Variants in ARHGAP6 observed in about 807,000 individuals in gnomAD.
ARHGAP6 encodes Rho GTPase activating protein 6, also known as rho GTPase-activating protein 6.
In ARHGAP6, 16 loss-of-function variants were observed where a neutral mutation model predicts 55.7. The ratio of observed to expected loss-of-function variants is 0.29; its 90% confidence interval spans 0.19 to 0.44. The LOEUF (loss-of-function observed/expected upper bound fraction) is 0.44. Ranked by LOEUF, ARHGAP6 falls within the 20% of genes least tolerant of loss-of-function variation. ARHGAP6 has a pLI of 1.00. For synonymous variants in ARHGAP6, 382 were observed against 360.9 expected (o/e 1.06, Z -0.66); for missense variants, 698 against 808.9 (o/e 0.86, Z 1.66).
At chrX:11,424,040 G>A (rs2049853702) in intron 1 of ARHGAP6, among the ~76,000 whole-genome samples, 2 of 112,408 alleles carry the variant, frequency 1.8e-5, no homozygotes, top group African/African-American at 6.5e-5. Context: ...AAGCTATTTG[G>A]CCATGCAATT....
intron 1 of ARHGAP6, among the ~76,000 whole-genome samples, chrX:11,537,183 A>C (rs2051112140): frequency 1.8e-5 from 2 of 112,380 alleles, no homozygotes. Context: ...AATGAGAGGG[A>C]ATCAGAAACG....
intron 1 of ARHGAP6, among the ~76,000 whole-genome samples, chrX:11,540,353 C>T (rs1048409952): frequency 9.0e-6 from 1 of 110,599 alleles, no homozygotes; most frequent in Non-Finnish European, 1.9e-5. Context: ...AATACTTCAG[C>T]TTTACAGAGC....
chrX:11,517,105 G>A (rs2050849723), intron 1 of ARHGAP6, among the ~76,000 whole-genome samples: 1 of 112,308 alleles, frequency 8.9e-6, no homozygotes, highest in Non-Finnish European at 1.9e-5. Flanking sequence ...TAGCTCATGA[G>A]TGTCTAGGTA....
At chrX:11,322,321 G>C (rs1296819962) in intron 1 of ARHGAP6, among the ~76,000 whole-genome samples, 1 of 110,159 alleles carries the variant, frequency 9.1e-6, no homozygotes. Context: ...TGTGTCCTGG[G>C]GGGAGGTACA....
chrX:11,424,367 A>G lies in ARHGAP6; in HGVS notation c.589-169660T>C, dbSNP rs776361908. On this transcript the variant is annotated intron_variant, in intron 1 of 12. Transcript: ENST00000337414. ...TGTGTTCAAATATTTTGCAATCTGT[A>G]TAAGACAGTAACAAGGAGGGAAATA... 3.5e-5 allele frequency among the ~76,000 whole-genome samples: 4 copies of G among 112,897 alleles called. No individual in the cohort carries two copies. In the East Asian group the frequency reaches 1.1e-3, roughly 31 times the overall value.
intron 2 of ARHGAP6, among the ~76,000 whole-genome samples, chrX:11,227,986 C>T (rs182632727): frequency 5.3e-4 from 58 of 110,363 alleles, no homozygotes; most frequent in Admixed American, 2.3e-3. Flanking sequence ...TCATTTTTTA[C>T]GTCTTCCTCA....
At chrX:11,389,169 TTAAAG>T (rs1338658976) in intron 1 of ARHGAP6, among the ~76,000 whole-genome samples, 1 of 111,616 alleles carries the variant, frequency 9.0e-6, no homozygotes, top group Non-Finnish European at 1.9e-5. Context: ...GACAAATCCC[TTAAAG>T]TAAAGAATTA....
Position 11,467,988 on chromosome X carries a change from G to GAATA in ARHGAP6, c.588+196252_588+196253insTATT, listed in dbSNP as rs1226738659. Among the ~76,000 whole-genome samples, 410 of 82,791 alleles carry GAATA rather than the reference G, an allele frequency of 5.0e-3. 3 individuals are homozygous for GAATA. The highest frequency in any genetic ancestry group is 0.015 in the East Asian group (35 of 2,317). The allele number at this position is 82,791 out of a possible 115,157, so 71.9% of individuals were successfully genotyped here. On this transcript the variant is annotated intron_variant, in intron 1 of 12. Coordinates refer to ENST00000337414, the MANE Select transcript of ARHGAP6 (RefSeq NM_013427.3). ...GAACAAGACTCTGTCTTAAATGAAT[G>GAATA]AATGAATAAATAAATAAATAAATAA...
At chrX:11,341,089 T>C (rs1037856901) in intron 1 of ARHGAP6, among the ~76,000 whole-genome samples, 1 of 109,254 alleles carries the variant, frequency 9.2e-6, no homozygotes, top group African/African-American at 3.3e-5. Context: ...GTGGTATATA[T>C]AGAATTCTTC....
intron 1 of ARHGAP6, among the ~76,000 whole-genome samples, chrX:11,542,756 T>C (rs1486418324): frequency 9.0e-6 from 1 of 111,679 alleles, no homozygotes; most frequent in African/African-American, 3.3e-5. Context: ...TTTATTCCCC[T>C]TCCCTCTCAC....
chrX:11,572,705 G>C (rs960047316), intron 1 of ARHGAP6, among the ~76,000 whole-genome samples: 4 of 112,072 alleles, frequency 3.6e-5, no homozygotes, highest in Non-Finnish European at 7.5e-5. Flanking sequence ...TATATACCCA[G>C]TAATGGGAAG....
chrX:11,651,735 A>G (rs1310382570), intron 1 of ARHGAP6, among the ~76,000 whole-genome samples: 1 of 111,713 alleles, frequency 9.0e-6, no homozygotes, highest in African/African-American at 3.3e-5. Flanking sequence ...CAGTGGTTCA[A>G]CTAATTTACA....
intron 1 of ARHGAP6, among the ~76,000 whole-genome samples, chrX:11,549,063 A>T (rs2051240184): frequency 1.8e-5 from 2 of 112,616 alleles, no homozygotes. Flanking sequence ...AAACACAGGG[A>T]AGTTCTTCAG....
chrX:11,640,939 C>T (rs764472394), intron 1 of ARHGAP6, among the ~76,000 whole-genome samples: 2 of 111,487 alleles, frequency 1.8e-5, no homozygotes, highest in East Asian at 5.6e-4. Context: ...GTCCTACCTA[C>T]CTAGAATGGT....
At chrX:11,168,413 A>G (rs567412633) in intron 9 of ARHGAP6, among the ~76,000 whole-genome samples, 1 of 112,431 alleles carries the variant, frequency 8.9e-6, no homozygotes, top group African/African-American at 3.2e-5. Flanking sequence ...TCCCATTTCT[A>G]AAGCTAGAAT....
rs746197688 is a variant in ARHGAP6 at position 11,277,250 on chromosome X, T to C, written c.589-22543A>G. Among the ~76,000 whole-genome samples, 6 of 111,989 alleles carry C rather than the reference T, an allele frequency of 5.4e-5. No individual in the cohort carries two copies. The East Asian group carries it at 1.7e-3, about 31-fold the overall frequency. ...GGCAGGATAATATTCACTGTATAGA[T>C]ATACTAAATTTTGCTTGTCCATTCT... On this transcript the variant is annotated intron_variant, in intron 1 of 12. Transcript: ENST00000337414.
intron 1 of ARHGAP6, among the ~76,000 whole-genome samples, chrX:11,593,238 G>C (rs1217281975): frequency 8.9e-6 from 1 of 111,956 alleles, no homozygotes; most frequent in African/African-American, 3.2e-5. Flanking sequence ...TCCTGTTCTT[G>C]TGATTATTCC....
At position 11,435,712 on chromosome X, in the gene ARHGAP6, A is replaced by G. The variant is rs147715425; in HGVS notation, c.589-181005T>C. Among the ~76,000 whole-genome samples, 38 of 112,180 alleles carry G rather than the reference A, an allele frequency of 3.4e-4. No individual in the cohort carries two copies. The East Asian group carries it at 0.011, about 31-fold the overall frequency. ...TGTCCAACGTCATGCAGATAGCATG[A>G]GACAAAGTCAGAAGCCATCCTGAGC... is the stretch of plus-strand genomic sequence containing the variant. On this transcript the variant is annotated intron_variant, in intron 1 of 12. Transcript: ENST00000337414.
intron 2 of ARHGAP6, among the ~76,000 whole-genome samples, chrX:11,231,879 T>G (rs2047134962): frequency 1.8e-5 from 2 of 112,356 alleles, no homozygotes; most frequent in African/African-American, 6.5e-5. Context: ...AGGGTTACTG[T>G]GTCACAGGAA....
Sources: gnomAD v4.1 joint callset for allele counts (sites outside exome capture counted in the v4.1 genomes callset) on GRCh38, gnomAD v4.1.1 for gene constraint, MANE v1.5 for transcripts, NCBI Gene and HGNC (gene_info 2026-07-23, HGNC 2026-07-21) for gene names.